The following LRRC37A2 variants were observed in gnomAD, a reference collection of about 807,000 sequenced individuals.
The protein encoded by LRRC37A2 is leucine rich repeat containing 37 member A2.
LRRC37A2 carries 9 observed loss-of-function variants against 68.8 expected under a neutral mutation model. The observed-to-expected ratio is 0.13, with a 90% CI of 0.08 to 0.23. LRRC37A2 has a LOEUF of 0.23. LRRC37A2 is among the 10% of genes least tolerant of loss of function. The pLI is 1.00. For missense variants in LRRC37A2, 168 were observed against 950.4 expected (o/e 0.18, Z 10.82); for synonymous variants, 63 against 367.6 (o/e 0.17, Z 9.48).
the LRRC37A2 span, among the ~76,000 whole-genome samples, chr17:46,842,013 C>G: frequency 1.3e-5 from 2 of 152,162 alleles, no homozygotes; most frequent in Non-Finnish European, 1.5e-5. Context: ...GAAGGCTGGC[C>G]GCGGTGGCGC....
chr17:46,874,950 T>C, the LRRC37A2 span: 1 of 1,221,826 alleles, frequency 8.2e-7, no homozygotes, highest in Non-Finnish European at 1.2e-6. Context: ...CACCCGGAGC[T>C]GTGTCCTCAA....
At chr17:46,595,885 G>A in the LRRC37A2 span, among the ~76,000 whole-genome samples, 2 of 140,096 alleles carry the variant, frequency 1.4e-5, no homozygotes, top group Non-Finnish European at 3.0e-5. Context: ...TCCACTCCCT[G>A]CCTCCTTGTG....
intron 6 of LRRC37A2, among the ~76,000 whole-genome samples, chr17:46,525,763 G>A (rs2052663787): frequency 1.1e-5 from 1 of 89,874 alleles, no homozygotes. Context: ...TTTGTGCCAG[G>A]TACTGTACTA....
the LRRC37A2 span, among the ~76,000 whole-genome samples, chr17:46,993,254 G>A: frequency 2.0e-5 from 3 of 152,204 alleles, no homozygotes; most frequent in African/African-American, 7.2e-5. Context: ...ACTCATGTGT[G>A]CAGCATGCCT....
rs765592467 is a variant in LRRC37A2 at position 46,549,031 on chromosome 17, A to G, written c.3892A>G (p.Ile1298Val). ...TACAAATACGAAGACGTCTAAACCA[A>G]TCGTACATGCCAGAAAAAAATACCG... is the stretch of plus-strand genomic sequence containing the variant. Residue 1298 changes from isoleucine to valine, a missense_variant, in exon 10 of 15, where the codon ATC (isoleucine) becomes GTC (valine). By Grantham distance (29) the Ile-to-Val change is conservative (BLOSUM62 3). Transcript: ENST00000576629. The G allele has an allele frequency of 3.7e-6, 6 of 1,612,142 alleles. No individual in the cohort carries two copies. The South Asian group carries it at 4.4e-5, about 12-fold the overall frequency.
chr17:46,764,221 G>A, the LRRC37A2 span: 1 of 152,604 alleles, frequency 6.6e-6, no homozygotes, highest in Non-Finnish European at 1.5e-5. Context: ...GCAGCAGTTT[G>A]GAAACAGAAC....
At chr17:46,876,079 T>G in the LRRC37A2 span, among the ~76,000 whole-genome samples, 3 of 152,266 alleles carry the variant, frequency 2.0e-5, no homozygotes, top group African/African-American at 7.2e-5. Context: ...TCGCGTAAGT[T>G]GTCTATTCCA....
the LRRC37A2 span, among the ~76,000 whole-genome samples, chr17:46,635,076 AC>A: frequency 1.3e-5 from 1 of 76,396 alleles, no homozygotes; most frequent in East Asian, 2.6e-4. Context: ...TTTGTTTATA[AC>A]CTGCTTTTGT....
the LRRC37A2 span, among the ~76,000 whole-genome samples, chr17:46,734,034 T>C: frequency 1.3e-5 from 2 of 152,198 alleles, no homozygotes; most frequent in Admixed American, 6.5e-5. Context: ...ATGAGTTTTG[T>C]TTTTAACATC....
At chr17:46,823,950 A>C in the LRRC37A2 span, among the ~76,000 whole-genome samples, 30 of 152,230 alleles carry the variant, frequency 2.0e-4, no homozygotes, top group South Asian at 1.2e-3. Context: ...GGTGAATACA[A>C]AATATTGGGT....
chr17:46,818,655 C>A, the LRRC37A2 span: 2 of 1,474,246 alleles, frequency 1.4e-6, no homozygotes, highest in Admixed American at 1.9e-5. Context: ...GAGCGACGCC[C>A]CCAATAGTTG....
chr17:46,828,414 G>T, the LRRC37A2 span, among the ~76,000 whole-genome samples: 1 of 151,890 alleles, frequency 6.6e-6, no homozygotes, highest in Non-Finnish European at 1.5e-5. Flanking sequence ...GCCCAGCCAG[G>T]GTGGTCTTGA....
the LRRC37A2 span, among the ~76,000 whole-genome samples, chr17:46,993,657 A>G: frequency 6.6e-6 from 1 of 152,022 alleles, no homozygotes; most frequent in Non-Finnish European, 1.5e-5. Flanking sequence ...AAGGACTGTG[A>G]CCTCTCATCA....
At chr17:46,497,137 G>T in the LRRC37A2 span, among the ~76,000 whole-genome samples, 6 of 123,232 alleles carry the variant, frequency 4.9e-5, no homozygotes, top group East Asian at 1.3e-3. Context: ...CAAGCCACCT[G>T]CCCACCTCAA....
At chr17:46,530,534 G>A (rs1460439791) in intron 6 of LRRC37A2, among the ~76,000 whole-genome samples, 1 of 30,822 alleles carries the variant, frequency 3.2e-5, no homozygotes, top group Non-Finnish European at 8.3e-5. Context: ...TTGGTCAAGG[G>A]AGAATGAATC....
chr17:46,876,925 C>T, the LRRC37A2 span: 1 of 1,345,384 alleles, frequency 7.4e-7, no homozygotes, highest in Middle Eastern at 2.8e-4. Flanking sequence ...AAAGCCTCCT[C>T]CCTTAACCCA....
chr17:46,806,278 C>T, the LRRC37A2 span, among the ~76,000 whole-genome samples: 1 of 134,852 alleles, frequency 7.4e-6, no homozygotes, highest in South Asian at 2.3e-4. Flanking sequence ...ATGGCCAGGT[C>T]TCAGCTCACC....
the LRRC37A2 span, chr17:46,929,702 G>A: frequency 7.2e-6 from 5 of 691,416 alleles, no homozygotes; most frequent in Middle Eastern, 3.6e-4. Context: ...AATGAGTTTT[G>A]TTGTTAGGGT....
chr17:46,729,129 C>G, the LRRC37A2 span, among the ~76,000 whole-genome samples: 1 of 152,094 alleles, frequency 6.6e-6, no homozygotes, highest in South Asian at 2.1e-4. Flanking sequence ...CATTCCTTTT[C>G]TGAAGAAATC....
Sources: allele counts gnomAD v4.1 joint callset (sites outside exome capture counted in the v4.1 genomes callset), GRCh38; gene constraint gnomAD v4.1.1; transcripts MANE v1.5; gene names NCBI Gene and HGNC (gene_info 2026-07-23, HGNC 2026-07-21).